KCND2: variants seen among roughly 807,000 people sequenced by gnomAD.
KCND2 encodes the protein potassium voltage-gated channel subfamily D member 2, also known as A-type voltage-gated potassium channel KCND2.
Under a neutral mutation model 54.4 loss-of-function variants are expected in KCND2, and 16 were observed. The observed-to-expected ratio is 0.29, with a 90% CI of 0.20 to 0.45. The LOEUF (loss-of-function observed/expected upper bound fraction) is 0.45. KCND2 is among the 20% of genes least tolerant of loss of function. The pLI, the probability that KCND2 is intolerant of heterozygous loss-of-function variation, is 1.00. For missense variants in KCND2, 486 were observed against 824.2 expected (o/e 0.59, Z 5.02); for synonymous variants, 317 against 310.7 (o/e 1.02, Z -0.21).
rs183034161 is a variant in KCND2, at chr7:120,344,102, C to T, written c.1115+68355C>T. Among the ~76,000 whole-genome samples the T allele has an allele frequency of 1.1e-4, 17 of 152,170 alleles. No homozygotes were observed. In the East Asian group the frequency reaches 2.7e-3, roughly 24 times the overall value. On this transcript the variant is annotated intron_variant, in intron 1 of 5. Transcript: ENST00000331113. ...ATTGTTAAGAAAGGAATCCTATTTC[C>T]TATTGTCATAGTTATAGCAACCGAA...
intron 1 of KCND2, among the ~76,000 whole-genome samples, chr7:120,404,775 A>G (rs1368589540): frequency 5.1e-5 from 1 of 19,586 alleles, no homozygotes; most frequent in African/African-American, 2.1e-4. Flanking sequence ...TTGGGGGGGG[A>G]CCTTTGTGAA....
rs1301599590 is a variant in KCND2 at position 120,273,420 on chromosome 7, A to AGCCCCGCC, written c.-1205_-1198dup. On this transcript the variant is annotated 5_prime_UTR_variant, in exon 1 of 6. It removes the in-frame stop codon of an upstream open reading frame in the 5' UTR. Transcript: ENST00000331113. ...AACGCCGCCCGCCCGGCCGCCCCGC[A>AGCCCCGCC]GCCCCGCCGCCCCGCAGCCCCGCAC... Among the ~76,000 whole-genome samples the AGCCCCGCC allele has an allele frequency of 7.8e-5, 11 of 141,188 alleles. No homozygotes were observed. Among genetic ancestry groups the AGCCCCGCC allele is most frequent in the East Asian group, 2.1e-4 (1 of 4,738 alleles). The allele number at this position is 141,188 out of a possible 152,430, so 92.6% of individuals were successfully genotyped here. A position where few individuals can be genotyped will look rare whatever the true frequency, so the allele number is the denominator to read the frequency against.
rs181004321 is a variant in KCND2 at position 120,350,713 on chromosome 7, A to T, written c.1115+74966A>T. 1.7e-3 allele frequency among the ~76,000 whole-genome samples: 263 copies of T among 152,312 alleles called. 1 individual carries two copies. Among genetic ancestry groups the T allele is most frequent in the Non-Finnish European group, 3.0e-3 (206 of 68,000 alleles). The stretch of plus-strand genomic sequence containing the variant: ...ATAGCACATCTATGTTATTTCTAAC[A>T]CAGCTCCTTAGTCAATTTCAACCTA... On this transcript the variant is annotated intron_variant, in intron 1 of 5. Coordinates refer to ENST00000331113, the MANE Select transcript of KCND2 (RefSeq NM_012281.3).
intron 1 of KCND2, among the ~76,000 whole-genome samples, chr7:120,576,939 G>A (rs1271811042): frequency 6.6e-6 from 1 of 152,196 alleles, no homozygotes; most frequent in Non-Finnish European, 1.5e-5. Context: ...CTGAGCTCAG[G>A]AGTTCAAGAT....
intron 1 of KCND2, among the ~76,000 whole-genome samples, chr7:120,306,532 T>C (rs1395867507): frequency 6.6e-6 from 1 of 152,024 alleles, no homozygotes; most frequent in Non-Finnish European, 1.5e-5. Context: ...ATTATGCAAA[T>C]AGTTTAATAT....
At position 120,465,258 on chromosome 7, in the gene KCND2, A is replaced by G. The variant is rs188358869; in HGVS notation, c.1115+189511A>G. Among the ~76,000 whole-genome samples the G allele has an allele frequency of 1.6e-3, 244 of 152,334 alleles. 1 individual carries two copies. The highest frequency in any genetic ancestry group is 5.3e-3 in the African/African-American group (219 of 41,586). ...TGATACTTATCTTGGGTTCTTATAC[A>G]GTTTCATAGATTTTCATTTCTATGT... is the stretch of plus-strand genomic sequence containing the variant. On this transcript the variant is annotated intron_variant, in intron 1 of 5. Coordinates refer to ENST00000331113, the MANE Select transcript of KCND2 (RefSeq NM_012281.3).
At chr7:120,719,608 C>A (rs552869470) in intron 1 of KCND2, among the ~76,000 whole-genome samples, 131 of 152,034 alleles carry the variant, frequency 8.6e-4, no homozygotes, top group African/African-American at 3.1e-3. Context: ...GAATATTTTT[C>A]TTTATTTAAA....
chr7:120,749,421 TAAA>T lies in KCND2; in HGVS notation c.*1567_*1569del, dbSNP rs1204039571. 6.6e-6 allele frequency: 1 copy of T among 152,334 alleles called. No individual in the cohort carries two copies. The highest frequency in any genetic ancestry group is 1.5e-5 in the Non-Finnish European group (1 of 67,812). 9.4% of individuals were successfully genotyped at this position (152,334 alleles called of 1,614,324 possible). A position where few individuals can be genotyped will look rare whatever the true frequency, so the allele number is the denominator to read the frequency against. On this transcript the variant is annotated 3_prime_UTR_variant, in exon 6 of 6. Transcript: ENST00000331113. ...GCAGACATGTCTGCACATGACAGTGTAAAAAAGTTTAATGTCAAATGCAAAGTT... is the reference window on the plus strand; with the variant it reads ...GCAGACATGTCTGCACATGACAGTGTAAAGTTTAATGTCAAATGCAAAGTT...
chr7:120,423,223 T>C (rs1482210350), intron 1 of KCND2, among the ~76,000 whole-genome samples: 2 of 152,194 alleles, frequency 1.3e-5, no homozygotes, highest in Non-Finnish European at 2.9e-5. Context: ...CAGAAGGGCA[T>C]TGATAAACTT....
chr7:120,421,062 A>G (rs916353729), intron 1 of KCND2, among the ~76,000 whole-genome samples: 5 of 152,202 alleles, frequency 3.3e-5, no homozygotes, highest in African/African-American at 1.2e-4. Context: ...TGCATCAATA[A>G]CGGTAATGAT....
Position 120,275,687 on chromosome 7 carries a change from G to C in KCND2, c.1055G>C (p.Ser352Thr), listed in dbSNP as rs765958038. 3.7e-6 allele frequency: 6 copies of C among 1,602,130 alleles called. No individual in the cohort carries two copies. Among genetic ancestry groups the C allele is most frequent in the South Asian group, 1.1e-5 (1 of 91,070 alleles). ...MFYAEKGSSA[S>T]KFTSIPAAFW... The stretch of plus-strand genomic sequence containing the variant: ...TACGCAGAGAAGGGGTCTTCGGCTA[G>C]CAAGTTCACCAGCATCCCTGCAGCC... The change falls in exon 1 of 6, where the codon AGC becomes ACC. Residue 352 changes from serine (S) to threonine (T), a missense_variant. By Grantham distance (58) the Ser-to-Thr change is moderately conservative. Transcript: ENST00000331113.
chr7:120,527,382 G>A (rs183829791), intron 1 of KCND2, among the ~76,000 whole-genome samples: 28 of 152,162 alleles, frequency 1.8e-4, no homozygotes, highest in Admixed American at 5.9e-4. Context: ...TTAAAACTGC[G>A]AGACACCTGA....
At chr7:120,601,997 A>G (rs1373164998) in intron 1 of KCND2, among the ~76,000 whole-genome samples, 1 of 152,232 alleles carries the variant, frequency 6.6e-6, no homozygotes, top group Non-Finnish European at 1.5e-5. Context: ...AGTGAAGATA[A>G]AAGCATATAA....
chr7:120,420,993 A>G (rs1354130159), intron 1 of KCND2, among the ~76,000 whole-genome samples: 1 of 152,228 alleles, frequency 6.6e-6, no homozygotes, highest in Admixed American at 6.5e-5. Flanking sequence ...AGTAAGAAGT[A>G]TAATTATGAT....
intron 1 of KCND2, among the ~76,000 whole-genome samples, chr7:120,683,143 T>C (rs1203564405): frequency 6.6e-6 from 1 of 152,200 alleles, no homozygotes; most frequent in Admixed American, 6.6e-5. Context: ...AATACTACTT[T>C]TTTCTGAGCA....
intron 1 of KCND2, among the ~76,000 whole-genome samples, chr7:120,328,226 G>A (rs1800009765): frequency 6.6e-6 from 1 of 152,120 alleles, no homozygotes; most frequent in Non-Finnish European, 1.5e-5. Flanking sequence ...GTTATTGAAA[G>A]AGTTCCAGAG....
At chr7:120,686,821 T>A (rs1415690296) in intron 1 of KCND2, among the ~76,000 whole-genome samples, 1 of 152,192 alleles carries the variant, frequency 6.6e-6, no homozygotes, top group Admixed American at 6.6e-5. Context: ...TCTGCCATTT[T>A]GCCTCTTAGT....
intron 1 of KCND2, among the ~76,000 whole-genome samples, chr7:120,544,648 G>A (rs1014851681): frequency 4.6e-5 from 7 of 151,900 alleles, no homozygotes; most frequent in Non-Finnish European, 7.4e-5. Context: ...GGCCACAACT[G>A]CAACAATAGT....
At chr7:120,647,850 G>A (rs555847619) in intron 1 of KCND2, among the ~76,000 whole-genome samples, 4 of 152,254 alleles carry the variant, frequency 2.6e-5, no homozygotes, top group South Asian at 2.1e-4. Flanking sequence ...TAGCAGTAAC[G>A]TTAGAATACA....
Sources: allele counts gnomAD v4.1 joint callset (sites outside exome capture counted in the v4.1 genomes callset), GRCh38; gene constraint gnomAD v4.1.1; transcripts MANE v1.5; gene names NCBI Gene and HGNC (gene_info 2026-07-23, HGNC 2026-07-21).